The following MARCHF1 variants were observed in gnomAD, a reference collection of about 807,000 sequenced individuals.
The protein encoded by MARCHF1 is E3 ubiquitin-protein ligase MARCHF1.
A neutral mutation model predicts 54.2 loss-of-function variants in MARCHF1; 40 were observed. That is an observed-to-expected ratio of 0.74 (90% CI 0.57 to 0.96). MARCHF1 has a LOEUF of 0.96. Among genes scored for constraint, MARCHF1 ranks in the 40% least tolerant of loss-of-function variants. MARCHF1 has a pLI of 0.00. For missense variants in MARCHF1, 586 were observed against 656.5 expected, an observed-to-expected ratio of 0.89 and a Z score of 1.17; for synonymous variants, 236 against 236.3, an observed-to-expected ratio of 1.00 and a Z score of 0.01.
At position 163,848,520 on chromosome 4, in the gene MARCHF1, C is replaced by T. The variant is rs115718606; in HGVS notation, c.111+5501G>A. The stretch of plus-strand genomic sequence containing the variant: ...CTCTAATCCTCATAAAATCTTTCAC[C>T]TTCTTACTTCGGATTCTTATGATCT... On this transcript the variant is annotated intron_variant, in intron 4 of 9. Transcript: ENST00000514618. Among the ~76,000 whole-genome samples the T allele has an allele frequency of 2.9e-3, 438 of 152,156 alleles. 5 individuals carry two copies. Among genetic ancestry groups the T allele is most frequent in the African/African-American group, 9.9e-3 (410 of 41,512 alleles).
At chr4:163,733,199 A>ATATATATACATACACATG (rs1554008832) in intron 4 of MARCHF1, among the ~76,000 whole-genome samples, 4 of 39,884 alleles carry the variant, frequency 1.0e-4, no homozygotes, top group Non-Finnish European at 1.6e-4. Context: ...ATATATATAT[A>ATATATATACATACACATG]TATATATATA....
chr4:164,371,860 C>A (rs962964887), intron 1 of MARCHF1, among the ~76,000 whole-genome samples: 3 of 152,180 alleles, frequency 2.0e-5, no homozygotes, highest in Non-Finnish European at 4.4e-5. Flanking sequence ...GTACCTATAA[C>A]TAATTTAGAG....
chr4:164,012,226 G>T (rs1178731964), intron 2 of MARCHF1, among the ~76,000 whole-genome samples: 2 of 152,132 alleles, frequency 1.3e-5, no homozygotes, highest in Non-Finnish European at 2.9e-5. Context: ...ACCAACTGTG[G>T]TGTCCAAATG....
chr4:163,572,470 A>G (rs957446317), intron 8 of MARCHF1, among the ~76,000 whole-genome samples: 27 of 152,130 alleles, frequency 1.8e-4, no homozygotes, highest in African/African-American at 6.0e-4. Context: ...TTAAGTGCAG[A>G]ACCAGAATTA....
At chr4:164,298,420 T>C (rs1455927836) in intron 1 of MARCHF1, among the ~76,000 whole-genome samples, 3 of 151,960 alleles carry the variant, frequency 2.0e-5, no homozygotes, top group Non-Finnish European at 4.4e-5. Context: ...AACGGGTACC[T>C]TCTACAAAGT....
intron 5 of MARCHF1, among the ~76,000 whole-genome samples, chr4:163,641,841 T>C (rs1000338951): frequency 6.6e-6 from 1 of 152,204 alleles, no homozygotes; most frequent in Non-Finnish European, 1.5e-5. Flanking sequence ...CTTATCTGCG[T>C]TGGAGTTAAA....
At chr4:164,096,606 TTC>T (rs1290138951) in intron 2 of MARCHF1, among the ~76,000 whole-genome samples, 1 of 151,936 alleles carries the variant, frequency 6.6e-6, no homozygotes, top group East Asian at 1.9e-4. Context: ...TCCAGAGTCC[TTC>T]TCTTTGTAAG....
intron 4 of MARCHF1, among the ~76,000 whole-genome samples, chr4:163,704,465 G>A (rs1744893904): frequency 6.6e-6 from 1 of 151,664 alleles, no homozygotes; most frequent in Admixed American, 6.6e-5. Flanking sequence ...AACATTTAAT[G>A]TCTATGAAAC....
In MARCHF1 at chr4:163,970,332, C is replaced by T. The variant is rs190345138; in HGVS notation, c.-39+18169G>A. Among the ~76,000 whole-genome samples, 11 of 152,266 alleles carry T rather than the reference C, an allele frequency of 7.2e-5. No homozygotes were observed. The East Asian group carries it at 1.7e-3, about 24-fold the overall frequency. ...AGAATCTTCAATTATCCTGTCCTCC[C>T]ATGGGTCCTAAAGTGCCTTGGGGCC... On this transcript the variant is annotated intron_variant, in intron 3 of 9. Coordinates refer to ENST00000514618, the MANE Select transcript of MARCHF1 (RefSeq NM_001394959.1).
chr4:163,976,092 T>A (rs1044097129), intron 3 of MARCHF1, among the ~76,000 whole-genome samples: 44 of 152,268 alleles, frequency 2.9e-4, no homozygotes, highest in African/African-American at 1.0e-3. Context: ...TAAAAGTAGA[T>A]CCTAGTTGAA....
At chr4:163,680,737 C>G (rs1331286139) in intron 5 of MARCHF1, among the ~76,000 whole-genome samples, 1 of 152,164 alleles carries the variant, frequency 6.6e-6, no homozygotes, top group Non-Finnish European at 1.5e-5. Flanking sequence ...ACCACCACTT[C>G]TAAGGGATAA....
intron 7 of MARCHF1, among the ~76,000 whole-genome samples, chr4:163,606,845 A>G (rs969714755): frequency 2.6e-5 from 4 of 152,126 alleles, no homozygotes; most frequent in South Asian, 4.2e-4. Context: ...GTCCAACCAC[A>G]ATACCCTATG....
intron 2 of MARCHF1, among the ~76,000 whole-genome samples, chr4:163,992,803 A>G (rs534129353): frequency 2.7e-5 from 4 of 149,680 alleles, no homozygotes; most frequent in Non-Finnish European, 5.9e-5. Flanking sequence ...ATTTATATTT[A>G]TAAAATTATA....
intron 5 of MARCHF1, among the ~76,000 whole-genome samples, chr4:163,650,432 T>C (rs1490804190): frequency 6.6e-6 from 1 of 151,970 alleles, no homozygotes; most frequent in African/African-American, 2.4e-5. Context: ...ATTAGTATTA[T>C]GGCTCTCAAG....
chr4:164,228,805 T>C (rs2111172323), intron 1 of MARCHF1, among the ~76,000 whole-genome samples: 1 of 152,314 alleles, frequency 6.6e-6, no homozygotes, highest in Non-Finnish European at 1.5e-5. Flanking sequence ...CAAACAAATG[T>C]TTCTAGGACC....
chr4:164,208,559 G>A (rs6536802), intron 1 of MARCHF1, among the ~76,000 whole-genome samples: 75,685 of 152,020 alleles, frequency 0.5, 19,142 homozygotes, highest in Non-Finnish European at 0.53. Context: ...TTGCCTATAG[G>A]AGGAATAAGT....
At chr4:163,886,644 A>G (rs529258364) in intron 3 of MARCHF1, among the ~76,000 whole-genome samples, 165 of 152,266 alleles carry the variant, frequency 1.1e-3, no homozygotes, top group African/African-American at 3.4e-3. Flanking sequence ...GAAGACAGAA[A>G]GACCTTTTGT....
intron 4 of MARCHF1, among the ~76,000 whole-genome samples, chr4:163,724,623 C>T (rs562119550): frequency 2.0e-5 from 3 of 152,162 alleles, no homozygotes; most frequent in Non-Finnish European, 4.4e-5. Flanking sequence ...TCTACAAAGG[C>T]GGGCAAGCCT....
intron 7 of MARCHF1, among the ~76,000 whole-genome samples, chr4:163,601,383 AAAAG>A (rs201447592): frequency 0.014 from 1,693 of 123,724 alleles, 30 homozygotes; most frequent in African/African-American, 0.043. Flanking sequence ...TATGTGTGAG[AAAAG>A]AAAGAAAGTG....
Sources: gnomAD v4.1 joint callset for allele counts (sites outside exome capture counted in the v4.1 genomes callset) on GRCh38, gnomAD v4.1.1 for gene constraint, MANE v1.5 for transcripts, NCBI Gene and HGNC (gene_info 2026-07-23, HGNC 2026-07-21) for gene names.